LRRC4C: variants seen among roughly 807,000 people sequenced by gnomAD.
LRRC4C encodes leucine-rich repeat-containing protein 4C.
Under a neutral mutation model 33.6 loss-of-function variants are expected in LRRC4C, and 5 were observed. That is an observed-to-expected ratio of 0.15 (90% CI 0.08 to 0.31). The LOEUF is 0.31. Among genes scored for constraint, LRRC4C ranks in the 10% least tolerant of loss-of-function variants. The pLI, the probability that LRRC4C is intolerant of heterozygous loss-of-function variation, is 1.00. For missense variants in LRRC4C, 560 were observed against 796.7 expected, an observed-to-expected ratio of 0.70 and a Z score of 3.58; for synonymous variants, 329 against 302.0, an observed-to-expected ratio of 1.09 and a Z score of -0.93.
At chr11:41,458,504 T>G (rs2138710482) in intron 1 of LRRC4C, among the ~76,000 whole-genome samples, 1 of 135,692 alleles carries the variant, frequency 7.4e-6, no homozygotes, top group South Asian at 2.4e-4. Context: ...TTGAAACAGG[T>G]AAAATATTGT....
intron 2 of LRRC4C, among the ~76,000 whole-genome samples, chr11:40,828,904 C>T (rs998760529): frequency 6.6e-6 from 1 of 151,880 alleles, no homozygotes; most frequent in Non-Finnish European, 1.5e-5. Flanking sequence ...AAGCTATATC[C>T]TAAAATAATT....
intron 1 of LRRC4C, among the ~76,000 whole-genome samples, chr11:41,214,033 T>G (rs1946931225): frequency 6.6e-6 from 1 of 152,252 alleles, no homozygotes; most frequent in South Asian, 2.1e-4. Flanking sequence ...TGAACTAAGC[T>G]GTTTTCCCAT....
At chr11:40,646,605 T>A (rs1942474933) in intron 3 of LRRC4C, among the ~76,000 whole-genome samples, 1 of 151,906 alleles carries the variant, frequency 6.6e-6, no homozygotes, top group Non-Finnish European at 1.5e-5. Flanking sequence ...GATTCAAATC[T>A]TCTCTCTCTC....
Position 40,779,650 on chromosome 11 carries a change from G to A in LRRC4C, c.-406-131372C>T, listed in dbSNP as rs186110474. ...ATGCAGAAAATTGTTATAGAGTCAC[G>A]TATCTGGAATTAGAGAGTTCCCTTA... On this transcript the variant is annotated intron_variant, in intron 2 of 6. Transcript: ENST00000528697. 4.8e-3 allele frequency among the ~76,000 whole-genome samples: 727 copies of A among 152,156 alleles called. 6 individuals are homozygous for A. Among genetic ancestry groups the A allele is most frequent in the Middle Eastern group, 0.037 (11 of 294 alleles).
intron 4 of LRRC4C, among the ~76,000 whole-genome samples, chr11:40,242,784 C>A (rs201303560): frequency 1.0e-4 from 15 of 149,768 alleles, no homozygotes; most frequent in South Asian, 2.1e-4. Context: ...GTGTATCATC[C>A]AAAAAAAAAC....
intron 1 of LRRC4C, among the ~76,000 whole-genome samples, chr11:41,223,295 T>C (rs1947388260): frequency 6.6e-6 from 1 of 152,140 alleles, no homozygotes; most frequent in Non-Finnish European, 1.5e-5. Context: ...AGAAGAGAAA[T>C]TTAGCACATA....
chr11:41,021,049 A>C (rs1855927788), intron 1 of LRRC4C, among the ~76,000 whole-genome samples: 1 of 152,032 alleles, frequency 6.6e-6, no homozygotes, highest in African/African-American at 2.4e-5. Flanking sequence ...ATTCATTTCA[A>C]TTTATAATTA....
intron 3 of LRRC4C, among the ~76,000 whole-genome samples, chr11:40,470,302 A>G (rs145203074): frequency 0.04 from 6,060 of 152,328 alleles, 167 homozygotes; most frequent in Non-Finnish European, 0.063. Flanking sequence ...CCTGACTGTT[A>G]GAAGGAAAGC....
intron 3 of LRRC4C, among the ~76,000 whole-genome samples, chr11:40,422,315 G>A (rs1950550308): frequency 6.6e-6 from 1 of 152,170 alleles, no homozygotes; most frequent in Non-Finnish European, 1.5e-5. Flanking sequence ...ATTGGTGAGA[G>A]GTGACAGGAC....
Position 40,936,046 on chromosome 11 carries a change from AT to A in LRRC4C, c.-495-2324del, listed in dbSNP as rs1565219303. 1.1e-3 allele frequency among the ~76,000 whole-genome samples: 82 copies of A among 74,782 alleles called. 1 individual carries two copies. Among genetic ancestry groups the A allele is most frequent in the Non-Finnish European group, 1.6e-3 (59 of 37,136 alleles). 49.1% of individuals were successfully genotyped at this position (74,782 alleles called of 152,430 possible). The stretch of plus-strand genomic sequence containing the variant: ...TATATATATATATATATATATATAT[AT>A]ATATATATATATATATATAACATAG... On this transcript the variant is annotated intron_variant, in intron 1 of 6. Coordinates refer to ENST00000528697, the MANE Select transcript of LRRC4C (RefSeq NM_001258419.2).
intron 1 of LRRC4C, among the ~76,000 whole-genome samples, chr11:41,387,236 C>T (rs530279078): frequency 6.6e-6 from 1 of 151,438 alleles, no homozygotes; most frequent in African/African-American, 2.4e-5. Flanking sequence ...TAATATAATC[C>T]TCATATTATT....
intron 2 of LRRC4C, among the ~76,000 whole-genome samples, chr11:40,856,811 C>G (rs925396364): frequency 2.6e-5 from 4 of 152,210 alleles, no homozygotes; most frequent in African/African-American, 4.8e-5. Flanking sequence ...CAGAGAACAG[C>G]TGTCCCATTA....
rs558597755 is a variant in LRRC4C, at chr11:40,477,872, C to T, written c.-269-158151G>A. On this transcript the variant is annotated intron_variant, in intron 3 of 6. Coordinates refer to ENST00000528697, the MANE Select transcript of LRRC4C (RefSeq NM_001258419.2). ...CATCCTGTAGCTCCCATAATTCCCA[C>T]GTGTTATGGGAGGGACCCAGTGAGA... is the stretch of plus-strand genomic sequence containing the variant. 1.1e-4 allele frequency among the ~76,000 whole-genome samples: 16 copies of T among 152,274 alleles called. No individual in the cohort carries two copies. The East Asian group carries it at 1.4e-3, about 13-fold the overall frequency.
chr11:40,990,127 G>T (rs1450386775), intron 1 of LRRC4C, among the ~76,000 whole-genome samples: 1 of 149,934 alleles, frequency 6.7e-6, no homozygotes, highest in African/African-American at 2.4e-5. Flanking sequence ...GTAATTTCTA[G>T]CTAGTCCAAA....
At chr11:40,507,190 G>C (rs1349488059) in intron 3 of LRRC4C, among the ~76,000 whole-genome samples, 1 of 151,952 alleles carries the variant, frequency 6.6e-6, no homozygotes, top group Non-Finnish European at 1.5e-5. Context: ...TTTCTTACTA[G>C]CAAAAATTAC....
intron 1 of LRRC4C, among the ~76,000 whole-genome samples, chr11:40,949,689 C>T (rs1958601134): frequency 6.6e-6 from 1 of 152,040 alleles, no homozygotes; most frequent in South Asian, 2.1e-4. Flanking sequence ...CACCACCAGG[C>T]CTGCCCTAAA....
intron 3 of LRRC4C, among the ~76,000 whole-genome samples, chr11:40,485,702 A>G (rs572143075): frequency 2.0e-5 from 3 of 152,242 alleles, no homozygotes; most frequent in East Asian, 3.9e-4. Context: ...AGACACATGC[A>G]CATGTATGTT....
intron 5 of LRRC4C, among the ~76,000 whole-genome samples, chr11:40,233,885 T>A (rs908727854): frequency 6.6e-6 from 1 of 152,194 alleles, no homozygotes; most frequent in Non-Finnish European, 1.5e-5. Context: ...ATATGAATAA[T>A]AAGAGCTAAC....
At chr11:41,373,172 C>T (rs16935639) in intron 1 of LRRC4C, among the ~76,000 whole-genome samples, 4,368 of 151,834 alleles carry the variant, frequency 0.029, 203 homozygotes, top group African/African-American at 0.1. Context: ...GGGCTTAGAC[C>T]CAGTTTGCAC....
Sources: gnomAD v4.1 joint callset for allele counts (sites outside exome capture counted in the v4.1 genomes callset) on GRCh38, gnomAD v4.1.1 for gene constraint, MANE v1.5 for transcripts, NCBI Gene and HGNC (gene_info 2026-07-23, HGNC 2026-07-21) for gene names.